The following ZNF527 variants were observed in gnomAD, a reference collection of about 807,000 sequenced individuals.
ZNF527 encodes zinc finger protein 527.
ZNF527 carries 5 observed loss-of-function variants against 13.5 expected under a neutral mutation model. The observed-to-expected ratio is 0.37, with a 90% confidence interval of 0.19 to 0.78. The LOEUF is 0.78. ZNF527 is among the 30% of genes least tolerant of loss of function. The pLI, the probability that ZNF527 is intolerant of heterozygous loss-of-function variation, is 0.48. For missense variants in ZNF527, 628 were observed against 726.4 expected (o/e 0.86, Z 1.56); for synonymous variants, 209 against 243.1 (o/e 0.86, Z 1.30).
Position 37,389,670 on chromosome 19 carries a change from C to A in ZNF527, c.1621C>A (p.Leu541Ile). 1 of 1,614,048 alleles carries A rather than the reference C, an allele frequency of 6.2e-7. No homozygotes were observed. The highest frequency in any genetic ancestry group is 8.5e-7 in the Non-Finnish European group (1 of 1,180,016). ...AAAGGCCTTCAGTTGTGGCTCATAT[C>A]TTAATCAACATCAAAGAATTCATAC... ...CGKAFSCGSY[L>I]NQHQRIHTGE... Residue 541 changes from leucine to isoleucine, a missense_variant, in exon 5 of 5, where the codon CTT (leucine) becomes ATT (isoleucine). Physicochemically the swap from Leu to Ile is conservative, Grantham distance 5. Around this residue, in one of 3 missense-constraint regions of ZNF527, gnomAD observed 592 missense variants for 678.0 expected, o/e 0.87. Coordinates refer to ENST00000436120, the MANE Select transcript of ZNF527 (RefSeq NM_032453.2).
chr19:37,386,421 C>T (rs369578469), intron 4 of ZNF527, among the ~76,000 whole-genome samples: 29 of 152,126 alleles, frequency 1.9e-4, no homozygotes, highest in Admixed American at 1.0e-3. Context: ...GGATTACAGG[C>T]GGGAACCCCC....
rs1483172626 is a variant in ZNF527, at chr19:37,376,628, C to T, written c.33+2397C>T. On this transcript the variant is annotated intron_variant, in intron 2 of 4. Transcript: ENST00000436120. ...GGTGGAGGTTGCAGTGAGCCAAGAT[C>T]GCGCCATTGCACTCCAGCCTGGGGC... is the stretch of plus-strand genomic sequence containing the variant. Among the ~76,000 whole-genome samples the T allele has an allele frequency of 6.9e-5, 10 of 144,858 alleles. No individual in the cohort carries two copies. The South Asian group carries it at 9.0e-4, about 13-fold the overall frequency.
At chr19:37,388,034 C>G (rs987800470) in intron 4 of ZNF527, among the ~76,000 whole-genome samples, 2 of 152,200 alleles carry the variant, frequency 1.3e-5, no homozygotes, top group African/African-American at 4.8e-5. Context: ...TAGCATTTAG[C>G]TTTGCCTGCC....
At chr19:37,376,891 A>G (rs983133837) in intron 2 of ZNF527, among the ~76,000 whole-genome samples, 2 of 152,100 alleles carry the variant, frequency 1.3e-5, no homozygotes, top group African/African-American at 2.4e-5. Context: ...TTAATTTTTT[A>G]TATTGATTAC....
chr19:37,373,686 G>T (rs1600261426), intron 1 of ZNF527, among the ~76,000 whole-genome samples: 1 of 152,296 alleles, frequency 6.6e-6, no homozygotes, highest in African/African-American at 2.4e-5. Flanking sequence ...TTTCAGGGAA[G>T]TCCCTCTGAT....
rs1010494727 is a variant in ZNF527 at position 37,391,533 on chromosome 19, T to A, written c.*1654T>A. 2 of 150,592 alleles carry A rather than the reference T, an allele frequency of 1.3e-5. No homozygotes were observed. Among genetic ancestry groups the A allele is most frequent in the African/African-American group, 4.9e-5 (2 of 40,972 alleles). 9.3% of individuals were successfully genotyped at this position (150,592 alleles called of 1,614,324 possible). A position where few individuals can be genotyped will look rare whatever the true frequency, so the allele number is the denominator to read the frequency against. On this transcript the variant is annotated 3_prime_UTR_variant, in exon 5 of 5. Transcript: ENST00000436120. Reference sequence around the variant, plus strand: ...ACAGTGAGCGAAGATCGCGCCATTGTACTCCAGCCTGGGCAACAAGAGCGA... The same window carrying A: ...ACAGTGAGCGAAGATCGCGCCATTGAACTCCAGCCTGGGCAACAAGAGCGA...
At chr19:37,381,839 T>G (rs1021260917) in intron 4 of ZNF527, among the ~76,000 whole-genome samples, 1 of 152,148 alleles carries the variant, frequency 6.6e-6, no homozygotes, top group Non-Finnish European at 1.5e-5. Flanking sequence ...TCTCCTCCAT[T>G]TACTTATATA....
chr19:37,375,241 AT>A (rs779869387), intron 2 of ZNF527, among the ~76,000 whole-genome samples: 1 of 119,338 alleles, frequency 8.4e-6, no homozygotes, highest in African/African-American at 3.1e-5. Flanking sequence ...TCCTTAGTGT[AT>A]TTTCTTTCTT....
intron 3 of ZNF527, chr19:37,379,463 T>TC (rs1555827549): frequency 3.6e-5 from 9 of 250,594 alleles, no homozygotes; most frequent in Non-Finnish European, 5.8e-5. Flanking sequence ...GTAATTTCTT[T>TC]TTTTTTTTTT....
In ZNF527 at chr19:37,389,072, G is replaced by A; in HGVS notation, c.1023G>A (p.Gln341=). ...ECKECNKAFR[Q]SAHLAQHQRI... ...AGGAATGTAACAAAGCTTTCAGACA[G>A]AGTGCTCACCTTGCTCAACATCAGA... Residue 341 remains glutamine (Q), a synonymous_variant, in exon 5 of 5, where the codon CAG becomes CAA. Transcript: ENST00000436120. The A allele has an allele frequency of 6.2e-7, 1 of 1,614,242 alleles. No homozygotes were observed. Among genetic ancestry groups the A allele is most frequent in the South Asian group, 1.1e-5 (1 of 91,084 alleles).
chr19:37,385,222 G>A (rs1217602898), intron 4 of ZNF527: 1 of 459,346 alleles, frequency 2.2e-6, no homozygotes, highest in Non-Finnish European at 3.8e-6. Context: ...TTTTTTCTCA[G>A]ATTGTCCCTT....
chr19:37,376,991 T>G (rs1272856674), intron 2 of ZNF527, among the ~76,000 whole-genome samples: 1 of 152,202 alleles, frequency 6.6e-6, no homozygotes, highest in Non-Finnish European at 1.5e-5. Flanking sequence ...CTGGAAAATT[T>G]CAAATTACAT....
intron 3 of ZNF527, 174 bp from the exon 4 acceptor site, chr19:37,380,103 A>G: frequency 7.9e-7 from 1 of 1,264,358 alleles, no homozygotes; most frequent in Non-Finnish European, 1.0e-6. Flanking sequence ...CAGAAGCTTC[A>G]TCCTCCTCCT....
chr19:37,386,561 C>T (rs577879988), intron 4 of ZNF527, among the ~76,000 whole-genome samples: 4 of 152,266 alleles, frequency 2.6e-5, no homozygotes, highest in Non-Finnish European at 5.9e-5. Flanking sequence ...AAGGAACTGA[C>T]TTTTTAAAAT....
At position 37,392,901 on chromosome 19, in the gene ZNF527, A is replaced by T. The variant is rs2040766095; in HGVS notation, c.*3022A>T. ...CTAAATTTTGTTTCTTTTCAACTGT[A>T]CAACCCATTGTCTTGTGATATATTG... On this transcript the variant is annotated 3_prime_UTR_variant, in exon 5 of 5. Transcript: ENST00000436120. The T allele has an allele frequency of 6.6e-6, 1 of 152,196 alleles. No individual in the cohort carries two copies. The highest frequency in any genetic ancestry group is 6.5e-5 in the Admixed American group (1 of 15,280). 9.4% of individuals were successfully genotyped at this position (152,196 alleles called of 1,614,324 possible).
In ZNF527 at chr19:37,374,232, G is replaced by A; in HGVS notation, c.33+1G>A. ...GGGGCTTTGTAAAGCCATGTCCCAG[G>A]TAAGCATGCTCTTTCACTTTGTTTT... On this transcript the variant is annotated splice_donor_variant, in intron 2 of 4. Coordinates refer to ENST00000436120, the MANE Select transcript of ZNF527 (RefSeq NM_032453.2). LOFTEE classifies it high-confidence loss of function. The A allele has an allele frequency of 6.2e-7, 1 of 1,614,032 alleles. No homozygotes were observed. Among genetic ancestry groups the A allele is most frequent in the Non-Finnish European group, 8.5e-7 (1 of 1,179,956 alleles).
intron 1 of ZNF527, among the ~76,000 whole-genome samples, chr19:37,371,825 G>A (rs2146800827): frequency 6.6e-6 from 1 of 152,070 alleles, no homozygotes; most frequent in East Asian, 1.9e-4. Flanking sequence ...GAGATTATGG[G>A]TGTGTTTGTG....
chr19:37,387,654 A>G (rs1476277149), intron 4 of ZNF527, among the ~76,000 whole-genome samples: 2 of 152,372 alleles, frequency 1.3e-5, no homozygotes, highest in East Asian at 3.9e-4. Context: ...AGTATCACGT[A>G]TCTTCTCAAT....
chr19:37,375,160 A>G (rs1363775870), intron 2 of ZNF527, among the ~76,000 whole-genome samples: 2 of 151,958 alleles, frequency 1.3e-5, no homozygotes. Flanking sequence ...ATATTTAGAG[A>G]CCTTTTGGAT....
Sources: allele counts gnomAD v4.1 joint callset (sites outside exome capture counted in the v4.1 genomes callset), GRCh38; gene constraint gnomAD v4.1.1; regional missense constraint gnomAD v4.1.1; transcripts MANE v1.5; gene names NCBI Gene and HGNC (gene_info 2026-07-23, HGNC 2026-07-21).